The following EZR variants were observed in gnomAD, a reference collection of about 807,000 sequenced individuals.
EZR encodes the protein ezrin.
Under a neutral mutation model 74.8 loss-of-function variants are expected in EZR, and 40 were observed. That is an observed-to-expected ratio of 0.53 (90% CI 0.42 to 0.70). EZR has a LOEUF of 0.70. Among genes scored for constraint, EZR ranks in the 30% least tolerant of loss-of-function variants. The pLI, the probability that EZR is intolerant of heterozygous loss-of-function variation, is 0.00. For missense variants in EZR, 678 were observed against 755.8 expected, an observed-to-expected ratio of 0.90 and a Z score of 1.21; for synonymous variants, 341 against 283.3, an observed-to-expected ratio of 1.20 and a Z score of -2.05.
chr6:158,804,074 C>CG (rs890224720), intron 2 of EZR, among the ~76,000 whole-genome samples: 37 of 152,154 alleles, frequency 2.4e-4, no homozygotes, highest in African/African-American at 8.4e-4. Context: ...CCTGCACTGC[C>CG]GAGTAACACT....
chr6:158,778,569 G>A (rs1478055505), intron 7 of EZR, among the ~76,000 whole-genome samples: 1 of 152,204 alleles, frequency 6.6e-6, no homozygotes, highest in African/African-American at 2.4e-5. Context: ...GGTGGCCACA[G>A]GGTTTATAAG....
chr6:158,767,510 G>C lies in EZR; in HGVS notation c.1347C>G (p.Ala449=), dbSNP rs1562488238. The C allele has an allele frequency of 2.5e-6, 4 of 1,575,114 alleles. No individual in the cohort carries two copies. The highest frequency in any genetic ancestry group is 3.4e-6 in the Non-Finnish European group (4 of 1,159,944). Residue 449 remains alanine, a splice_region_variant and synonymous_variant, in exon 13 of 14, where the codon GCC becomes GCG. Coordinates refer to ENST00000367075, the MANE Select transcript of EZR (RefSeq NM_001111077.2). ...EDEVEEWQHR[A]KEAQDDLVKT... is the part of the protein sequence containing the mutation. ...TCACCAGGTCATCCTGGGCTTCTTTGGCCTTTGGAAAGCAAATTAATAAGA... is the reference window on the plus strand; with the variant it reads ...TCACCAGGTCATCCTGGGCTTCTTTCGCCTTTGGAAAGCAAATTAATAAGA...
rs1252188109 is a variant in EZR at position 158,803,075 on chromosome 6, A to G, written c.13-13704T>C. ...CCTTTTCTAAACTGTTCTCCTTACTACTTCCTCCAGCACCACCATTAGGCT... is the reference window on the plus strand; with the variant it reads ...CCTTTTCTAAACTGTTCTCCTTACTGCTTCCTCCAGCACCACCATTAGGCT... On this transcript the variant is annotated intron_variant, in intron 2 of 13. Coordinates refer to ENST00000367075, the MANE Select transcript of EZR (RefSeq NM_001111077.2). Among the ~76,000 whole-genome samples the G allele has an allele frequency of 2.6e-5, 4 of 151,988 alleles. No homozygotes were observed. The East Asian group carries it at 5.8e-4, about 22-fold the overall frequency.
chr6:158,777,085 T>C (rs1294967583), intron 7 of EZR, among the ~76,000 whole-genome samples: 1 of 152,234 alleles, frequency 6.6e-6, no homozygotes, highest in Non-Finnish European at 1.5e-5. Context: ...TTGAGGCCTC[T>C]CTTAACATAC....
chr6:158,811,080 C>T (rs1777442097), intron 2 of EZR, among the ~76,000 whole-genome samples: 1 of 152,154 alleles, frequency 6.6e-6, no homozygotes, highest in Non-Finnish European at 1.5e-5. Context: ...CACATTATAG[C>T]ACAAGGGTTT....
chr6:158,812,490 C>T (rs1400895763), intron 2 of EZR, among the ~76,000 whole-genome samples: 1 of 152,108 alleles, frequency 6.6e-6, no homozygotes, highest in Non-Finnish European at 1.5e-5. Context: ...ATTGTGTACA[C>T]AAAATTTTGA....
chr6:158,769,530 C>A, intron 11 of EZR, 112 bp from the exon 12 acceptor site: 1 of 1,103,896 alleles, frequency 9.1e-7, no homozygotes, highest in South Asian at 1.4e-5. Context: ...ACACCTGAGT[C>A]CCCGCCACCC....
At chr6:158,786,291 T>G (rs565813760) in intron 4 of EZR, among the ~76,000 whole-genome samples, 11 of 152,046 alleles carry the variant, frequency 7.2e-5, no homozygotes, top group Middle Eastern at 3.4e-3. Flanking sequence ...GGAGAATCAC[T>G]TGAACCCAGG....
At chr6:158,813,098 C>T (rs114701985) in intron 2 of EZR, among the ~76,000 whole-genome samples, 1 of 152,128 alleles carries the variant, frequency 6.6e-6, no homozygotes, top group African/African-American at 2.4e-5. Flanking sequence ...TAAAAAACAC[C>T]CAAGAATGGC....
rs375912840 is a variant in EZR, at chr6:158,785,479, C to T, written c.297G>A (p.Gln99=). The change falls in exon 5 of 14, where the codon CAG becomes CAA. Residue 99 remains glutamine, a synonymous_variant. Transcript: ENST00000367075. The stretch of plus-strand genomic sequence containing the variant: ...CCTTCACTTGGAGGAAGAAAAGTTT[C>T]TGGGTGATGTCCTGGATGAGCTCCT... ...VAEELIQDIT[Q]KLFFLQVKEG... 2.5e-6 allele frequency: 4 copies of T among 1,614,070 alleles called. No individual in the cohort carries two copies. The African/African-American group carries it at 5.3e-5, about 22-fold the overall frequency.
intron 2 of EZR, among the ~76,000 whole-genome samples, chr6:158,812,171 T>C (rs1777463577): frequency 6.6e-6 from 1 of 152,164 alleles, no homozygotes; most frequent in East Asian, 1.9e-4. Context: ...TTTATGGCTC[T>C]TTTTCACAGA....
chr6:158,808,398 T>A (rs1454525578), intron 2 of EZR, among the ~76,000 whole-genome samples: 9 of 152,256 alleles, frequency 5.9e-5, no homozygotes, highest in Non-Finnish European at 1.5e-5. Flanking sequence ...GCTATCCCTG[T>A]TGAAGTCAAC....
rs1212470838 is a variant in EZR at position 158,769,363 on chromosome 6, C to T, written c.1307G>A (p.Arg436Lys). ...AKIALLEEAR[R>K]RKEDEVEEWQ... is the part of the protein sequence containing the mutation. ...CTCTTCAACTTCATCCTCCTTGCGC[C>T]TCCGCGCCTCTTCCAGGAGGGCAAT... Residue 436 changes from arginine to lysine, a missense_variant, in exon 12 of 14, where the codon AGG becomes AAG. This residue lies in a region of EZR where 342 missense variants were observed against 341.2 expected (regional missense o/e 1.00). Coordinates refer to ENST00000367075, the MANE Select transcript of EZR (RefSeq NM_001111077.2). The T allele has an allele frequency of 6.2e-7, 1 of 1,609,640 alleles. No homozygotes were observed. Among genetic ancestry groups the T allele is most frequent in the East Asian group, 2.2e-5 (1 of 44,888 alleles).
At chr6:158,781,809 G>A (rs1227099231) in intron 7 of EZR, among the ~76,000 whole-genome samples, 1 of 151,766 alleles carries the variant, frequency 6.6e-6, no homozygotes, top group African/African-American at 2.4e-5. Context: ...TGTCACCCAG[G>A]CTAGAGTGCA....
At chr6:158,774,454 C>A (rs1254519938) in intron 8 of EZR, among the ~76,000 whole-genome samples, 1 of 152,076 alleles carries the variant, frequency 6.6e-6, no homozygotes, top group East Asian at 1.9e-4. Flanking sequence ...AATGTAGGCT[C>A]ACCAGGGTAG....
intron 2 of EZR, among the ~76,000 whole-genome samples, chr6:158,804,137 T>G (rs1777277753): frequency 6.6e-6 from 1 of 151,490 alleles, no homozygotes; most frequent in South Asian, 2.1e-4. Context: ...TCCTGATACC[T>G]ATTAGCTGCT....
intron 7 of EZR, among the ~76,000 whole-genome samples, chr6:158,779,505 G>C (rs997926122): frequency 1.3e-5 from 2 of 152,204 alleles, no homozygotes; most frequent in Non-Finnish European, 2.9e-5. Flanking sequence ...AGGAAGCTAA[G>C]TGAAGGGTAT....
chr6:158,798,622 CTT>C (rs147757313), intron 2 of EZR, among the ~76,000 whole-genome samples: 47,811 of 122,232 alleles, frequency 0.39, 8,750 homozygotes, highest in Non-Finnish European at 0.45. Flanking sequence ...TGCTGCTCCG[CTT>C]TTTTTTTTTT....
chr6:158,815,695 C>G (rs1320593033), intron 2 of EZR, among the ~76,000 whole-genome samples: 1 of 152,116 alleles, frequency 6.6e-6, no homozygotes, highest in African/African-American at 2.4e-5. Flanking sequence ...CTCCTGGGCT[C>G]ATGTGATCTG....
Sources: allele counts gnomAD v4.1 joint callset (sites outside exome capture counted in the v4.1 genomes callset), GRCh38; gene constraint gnomAD v4.1.1; regional missense constraint gnomAD v4.1.1; transcripts MANE v1.5; gene names NCBI Gene and HGNC (gene_info 2026-07-23, HGNC 2026-07-21).